The following MCUB variants were observed in gnomAD, a reference collection of about 807,000 sequenced individuals.
MCUB encodes the protein calcium uniporter regulatory subunit MCUb, mitochondrial.
MCUB carries 46 observed loss-of-function variants against 41.4 expected under a neutral mutation model. That is an observed-to-expected ratio of 1.11 (90% CI 0.88 to 1.42). The LOEUF is 1.42. Ranked by LOEUF, MCUB falls within the 40% of genes most tolerant of loss-of-function variation. MCUB has a pLI of 0.00. For missense variants in MCUB, 403 were observed against 404.9 expected (o/e 1.00, Z 0.04); for synonymous variants, 148 against 148.2 (o/e 1.00, Z 0.01).
chr4:109,561,168 G>A (rs1209378280), intron 1 of MCUB, among the ~76,000 whole-genome samples: 1 of 152,164 alleles, frequency 6.6e-6, no homozygotes, highest in East Asian at 1.9e-4. Flanking sequence ...ACAGGAGCCC[G>A]GGAGTGCAAA....
chr4:109,632,412 A>G (rs1350692001), intron 1 of MCUB, among the ~76,000 whole-genome samples: 1 of 152,152 alleles, frequency 6.6e-6, no homozygotes, highest in East Asian at 1.9e-4. Context: ...TTATTGTTGC[A>G]TAACAAATCT....
chr4:109,657,178 C>T (rs942694140), intron 1 of MCUB, among the ~76,000 whole-genome samples: 1 of 142,388 alleles, frequency 7.0e-6, no homozygotes, highest in African/African-American at 2.7e-5. Context: ...GAAACTGCAT[C>T]ACTGCACTCC....
At chr4:109,591,220 CTG>C (rs1727429969) in intron 1 of MCUB, among the ~76,000 whole-genome samples, 1 of 148,994 alleles carries the variant, frequency 6.7e-6, no homozygotes, top group South Asian at 2.1e-4. Context: ...CAGTCTCACT[CTG>C]TTGCCCAGGC....
intron 1 of MCUB, among the ~76,000 whole-genome samples, chr4:109,604,632 TATG>T: frequency 6.6e-6 from 1 of 152,316 alleles, no homozygotes; most frequent in African/African-American, 2.4e-5. Flanking sequence ...CGTCATTCAG[TATG>T]ATACTAACTG....
chr4:109,660,722 A>G (rs572342307), intron 3 of MCUB, among the ~76,000 whole-genome samples: 2 of 152,036 alleles, frequency 1.3e-5, no homozygotes, highest in Non-Finnish European at 2.9e-5. Context: ...AGGCTGAGGC[A>G]GGAGAATTGC....
intron 1 of MCUB, among the ~76,000 whole-genome samples, chr4:109,642,286 T>A (rs937904246): frequency 1.3e-5 from 2 of 152,204 alleles, no homozygotes; most frequent in Non-Finnish European, 2.9e-5. Context: ...ATCTGTGGAA[T>A]ACTACTGAGT....
chr4:109,679,459 A>C (rs1452292363), intron 4 of MCUB, among the ~76,000 whole-genome samples: 2 of 152,168 alleles, frequency 1.3e-5, no homozygotes, highest in Non-Finnish European at 2.9e-5. Context: ...CAGCCCGGTC[A>C]ACACGGCGAA....
intron 4 of MCUB, among the ~76,000 whole-genome samples, chr4:109,671,085 C>T (rs1263138592): frequency 1.3e-5 from 2 of 152,158 alleles, no homozygotes; most frequent in Non-Finnish European, 1.5e-5. Context: ...TTCCCTCTAA[C>T]CTTAGTTTTC....
chr4:109,606,637 A>T (rs1310301908), intron 1 of MCUB, among the ~76,000 whole-genome samples: 4 of 152,240 alleles, frequency 2.6e-5, no homozygotes, highest in African/African-American at 9.6e-5. Flanking sequence ...CAAACTAACA[A>T]GTATAAAGAA....
chr4:109,614,868 C>T (rs759525122), intron 1 of MCUB, among the ~76,000 whole-genome samples: 8 of 152,052 alleles, frequency 5.3e-5, no homozygotes, highest in Non-Finnish European at 7.4e-5. Flanking sequence ...GTCACTCATA[C>T]GCATTCATAG....
At chr4:109,619,326 G>A (rs13116996) in intron 1 of MCUB, among the ~76,000 whole-genome samples, 74,662 of 151,812 alleles carry the variant, frequency 0.49, 19,062 homozygotes, top group South Asian at 0.64. Context: ...TGATCTGCCC[G>A]CCTTGGCTTC....
chr4:109,658,579 G>A (rs2126144229), intron 1 of MCUB, among the ~76,000 whole-genome samples: 1 of 152,280 alleles, frequency 6.6e-6, no homozygotes, highest in South Asian at 2.1e-4. Context: ...TTACATGCGT[G>A]AGCCACCATG....
chr4:109,646,996 C>T (rs1025081232), intron 1 of MCUB, among the ~76,000 whole-genome samples: 6 of 152,172 alleles, frequency 3.9e-5, no homozygotes, highest in African/African-American at 1.4e-4. Context: ...TGGGGCGAAG[C>T]GAGTACCCCT....
rs1561208189 is a variant in MCUB, at chr4:109,560,271, C to T, written c.-67C>T. On this transcript the variant is annotated 5_prime_UTR_variant, in exon 1 of 8. It adds an upstream start codon to the 5' untranslated region. Transcript: ENST00000394650. ...ACAGCTCGGAGCCACCAGGCGCTGA[C>T]GAGGAGCCCGGCTGAGGGAGGATGC... 2 of 809,496 alleles carry T rather than the reference C, an allele frequency of 2.5e-6. No homozygotes were observed. Among genetic ancestry groups the T allele is most frequent in the Admixed American group, 4.4e-5 (1 of 22,788 alleles). The allele number at this position is 809,496 out of a possible 1,614,324, so 50.1% of individuals were successfully genotyped here. A position where few individuals can be genotyped will look rare whatever the true frequency, so the allele number is the denominator to read the frequency against.
At chr4:109,680,941 A>G (rs2126151521) in intron 4 of MCUB, among the ~76,000 whole-genome samples, 1 of 152,316 alleles carries the variant, frequency 6.6e-6, no homozygotes, top group South Asian at 2.1e-4. Flanking sequence ...GCCTAATTTT[A>G]TATGGACTTA....
chr4:109,643,837 C>T (rs1381864964), intron 1 of MCUB, among the ~76,000 whole-genome samples: 1 of 152,176 alleles, frequency 6.6e-6, no homozygotes, highest in Non-Finnish European at 1.5e-5. Context: ...TTAAGCCATC[C>T]AGTCTGTAGT....
At chr4:109,609,076 T>G (rs1727944398) in intron 1 of MCUB, among the ~76,000 whole-genome samples, 1 of 151,984 alleles carries the variant, frequency 6.6e-6, no homozygotes, top group Non-Finnish European at 1.5e-5. Context: ...TCTCTCTCTC[T>G]CTCTCTGTGC....
intron 1 of MCUB, among the ~76,000 whole-genome samples, chr4:109,579,164 A>G (rs544456297): frequency 3.5e-4 from 53 of 152,102 alleles, no homozygotes; most frequent in African/African-American, 1.2e-3. Context: ...TTTAAAATGC[A>G]TGGTTGTGGA....
intron 1 of MCUB, among the ~76,000 whole-genome samples, chr4:109,650,370 T>C (rs1333316339): frequency 6.6e-6 from 1 of 152,214 alleles, no homozygotes; most frequent in Non-Finnish European, 1.5e-5. Flanking sequence ...AACCATAGTT[T>C]CCTACTGGCA....
Sources: gnomAD v4.1 joint callset for allele counts (sites outside exome capture counted in the v4.1 genomes callset) on GRCh38, gnomAD v4.1.1 for gene constraint, MANE v1.5 for transcripts, NCBI Gene and HGNC (gene_info 2026-07-23, HGNC 2026-07-21) for gene names.